ATF6: variants seen among roughly 807,000 people sequenced by gnomAD.
The protein encoded by ATF6 is cyclic AMP-dependent transcription factor ATF-6 alpha.
A neutral mutation model predicts 83.6 loss-of-function variants in ATF6; 53 were observed. That is an observed-to-expected ratio of 0.63 (90% confidence interval 0.51 to 0.80). The LOEUF is 0.80. ATF6 is among the 30% of genes least tolerant of loss of function. ATF6 has a pLI of 0.00. For synonymous variants in ATF6, 288 were observed against 285.8 expected, an observed-to-expected ratio of 1.01 and a Z score of -0.08; for missense variants, 744 against 797.9, an observed-to-expected ratio of 0.93 and a Z score of 0.81.
chr1:161,830,211 G>T (rs946923514), intron 9 of ATF6, among the ~76,000 whole-genome samples: 1 of 152,144 alleles, frequency 6.6e-6, no homozygotes, highest in Non-Finnish European at 1.5e-5. Context: ...GCTTCAAAGA[G>T]AATAAAATAC....
chr1:161,924,409 T>TA (rs1235198565), intron 15 of ATF6, among the ~76,000 whole-genome samples: 1 of 152,132 alleles, frequency 6.6e-6, no homozygotes, highest in African/African-American at 2.4e-5. Context: ...TCCACATATT[T>TA]AAAAAAATCT....
chr1:161,800,240 A>G (rs779423523), intron 6 of ATF6, among the ~76,000 whole-genome samples: 43 of 152,226 alleles, frequency 2.8e-4, no homozygotes, highest in Non-Finnish European at 6.2e-4. Context: ...GAATATTTGC[A>G]TATACATAAT....
chr1:161,947,772 A>C (rs1688777769), intron 15 of ATF6, among the ~76,000 whole-genome samples: 1 of 148,254 alleles, frequency 6.7e-6, no homozygotes, highest in South Asian at 2.1e-4. Context: ...ATTTCATATT[A>C]TAGAAATAAA....
intron 7 of ATF6, among the ~76,000 whole-genome samples, chr1:161,818,965 T>C (rs539197823): frequency 6.6e-6 from 1 of 152,140 alleles, no homozygotes; most frequent in Non-Finnish European, 1.5e-5. Context: ...TGCAGTAGTA[T>C]AGGGATGAGT....
intron 10 of ATF6, among the ~76,000 whole-genome samples, chr1:161,847,691 G>T (rs1002036723): frequency 1.2e-4 from 19 of 152,162 alleles, no homozygotes; most frequent in Admixed American, 6.5e-4. Flanking sequence ...AGTAATTTGT[G>T]CAGGTTTGCC....
intron 15 of ATF6, among the ~76,000 whole-genome samples, chr1:161,952,045 A>G (rs768303051): frequency 6.6e-6 from 1 of 152,178 alleles, no homozygotes; most frequent in Non-Finnish European, 1.5e-5. Context: ...TATCAGTTAA[A>G]AGTGCTCTCC....
chr1:161,963,172 A>G lies in ATF6; in HGVS notation c.*4518A>G, dbSNP rs1261140190. 1 of 152,200 alleles carries G rather than the reference A, an allele frequency of 6.6e-6. No individual in the cohort carries two copies. Among genetic ancestry groups the G allele is most frequent in the African/African-American group, 2.4e-5 (1 of 41,446 alleles). The allele number at this position is 152,200 out of a possible 1,614,324, so 9.4% of individuals were successfully genotyped here. ...AAGAAATGCAGTTTTCTCCTACCTAAAAAAAAGAAAGTAAAGTGTGTTCTG... is the reference window on the plus strand; with the variant it reads ...AAGAAATGCAGTTTTCTCCTACCTAGAAAAAAGAAAGTAAAGTGTGTTCTG... On this transcript the variant is annotated 3_prime_UTR_variant, in exon 16 of 16. Transcript: ENST00000367942.
chr1:161,872,558 A>G (rs1687142931), intron 14 of ATF6, among the ~76,000 whole-genome samples: 1 of 151,656 alleles, frequency 6.6e-6, no homozygotes, highest in Non-Finnish European at 1.5e-5. Context: ...GGAAGAGTAC[A>G]GATGAAGGAA....
At chr1:161,932,110 T>C (rs1375696466) in intron 15 of ATF6, among the ~76,000 whole-genome samples, 1 of 152,184 alleles carries the variant, frequency 6.6e-6, no homozygotes, top group Non-Finnish European at 1.5e-5. Context: ...TTATTCCTGT[T>C]ACATAGATGA....
chr1:161,856,091 A>G (rs934618336), intron 12 of ATF6, among the ~76,000 whole-genome samples: 1 of 152,222 alleles, frequency 6.6e-6, no homozygotes, highest in Non-Finnish European at 1.5e-5. Flanking sequence ...TAAACTATTT[A>G]ATTATTTCCT....
chr1:161,789,989 C>T (rs1210071478), intron 4 of ATF6, among the ~76,000 whole-genome samples: 1 of 152,098 alleles, frequency 6.6e-6, no homozygotes, highest in African/African-American at 2.4e-5. Context: ...TCTCCCATAT[C>T]CTCTCAAGGT....
At chr1:161,785,811 G>C (rs1331956957) in intron 4 of ATF6, among the ~76,000 whole-genome samples, 2 of 152,156 alleles carry the variant, frequency 1.3e-5, no homozygotes, top group African/African-American at 4.8e-5. Context: ...CTCATCAGCA[G>C]TATGTAAGAG....
chr1:161,892,183 A>T (rs1687570841), intron 14 of ATF6: 1 of 152,160 alleles, frequency 6.6e-6, no homozygotes, highest in Non-Finnish European at 1.5e-5. Flanking sequence ...AAACTTGGTT[A>T]TAAAATTTTG....
chr1:161,830,154 G>A lies in ATF6; in HGVS notation c.1187+8993G>A, dbSNP rs918394284. Among the ~76,000 whole-genome samples, 51 of 152,146 alleles carry A rather than the reference G, an allele frequency of 3.4e-4. 1 individual carries two copies. The highest frequency in any genetic ancestry group is 1.8e-3 in the Admixed American group (27 of 15,276). On this transcript the variant is annotated intron_variant, in intron 9 of 15. Coordinates refer to ENST00000367942, the MANE Select transcript of ATF6 (RefSeq NM_007348.4). ...TCACAAGCATTCTTATACACCAATA[G>A]CAGACAAACAGAGAGCCAAATCATG...
chr1:161,867,200 C>A (rs9729115), intron 14 of ATF6, among the ~76,000 whole-genome samples: 33 of 151,728 alleles, frequency 2.2e-4, no homozygotes, highest in African/African-American at 7.5e-4. Context: ...GAGGCTGAGG[C>A]GGGAGAATGG....
At chr1:161,836,834 A>G (rs2101807570) in intron 9 of ATF6, among the ~76,000 whole-genome samples, 1 of 152,310 alleles carries the variant, frequency 6.6e-6, no homozygotes, top group Non-Finnish European at 1.5e-5. Flanking sequence ...AAGGCAGCTG[A>G]AACCAGAAAC....
intron 6 of ATF6, among the ~76,000 whole-genome samples, chr1:161,798,584 C>T (rs545759944): frequency 2.0e-5 from 3 of 152,218 alleles, no homozygotes; most frequent in South Asian, 4.2e-4. Context: ...TGCACTCCAG[C>T]CTGGGTGACA....
chr1:161,860,347 C>T (rs1427688011), intron 13 of ATF6, 70 bp downstream of exon 13: 2 of 1,148,972 alleles, frequency 1.7e-6, no homozygotes, highest in Non-Finnish European at 2.4e-6. Context: ...TTGAAATTCA[C>T]ACTTCCCTTT....
chr1:161,814,747 A>G (rs1050506844), intron 7 of ATF6, among the ~76,000 whole-genome samples: 1 of 152,198 alleles, frequency 6.6e-6, no homozygotes, highest in Non-Finnish European at 1.5e-5. Flanking sequence ...AAACAATTTA[A>G]TGAGAAAAAT....
Sources: allele counts gnomAD v4.1 joint callset (sites outside exome capture counted in the v4.1 genomes callset), GRCh38; gene constraint gnomAD v4.1.1; transcripts MANE v1.5; gene names NCBI Gene and HGNC (gene_info 2026-07-23, HGNC 2026-07-21).